The following NCOA2 variants were observed in gnomAD, a reference collection of about 807,000 sequenced individuals.
NCOA2 encodes the protein nuclear receptor coactivator 2.
A neutral mutation model predicts 145.1 loss-of-function variants in NCOA2; 21 were observed. The ratio of observed to expected loss-of-function variants is 0.14; its 90% CI spans 0.10 to 0.21. The LOEUF (loss-of-function observed/expected upper bound fraction) is 0.21. Ranked by LOEUF, NCOA2 falls within the 10% of genes least tolerant of loss-of-function variation. The pLI, the probability that NCOA2 is intolerant of heterozygous loss-of-function variation, is 1.00. For synonymous variants in NCOA2, 619 were observed against 637.5 expected, an observed-to-expected ratio of 0.97 and a Z score of 0.44; for missense variants, 1,472 against 1,837.6, an observed-to-expected ratio of 0.80 and a Z score of 3.64.
chr8:70,175,790 C>T (rs1359848777), intron 4 of NCOA2, among the ~76,000 whole-genome samples: 1 of 151,954 alleles, frequency 6.6e-6, no homozygotes, highest in Non-Finnish European at 1.5e-5. Flanking sequence ...TGCATGTTAT[C>T]GTTGTAATTA....
At chr8:70,192,048 C>CAAAAAT (rs1816753729) in intron 4 of NCOA2, among the ~76,000 whole-genome samples, 1 of 151,860 alleles carries the variant, frequency 6.6e-6, no homozygotes, top group Non-Finnish European at 1.5e-5. Flanking sequence ...TCTCAAAAAA[C>CAAAAAT]AAAAATAAAA....
intron 1 of NCOA2, among the ~76,000 whole-genome samples, chr8:70,337,224 TGTG>T (rs1807687741): frequency 1.3e-5 from 2 of 151,776 alleles, no homozygotes; most frequent in Non-Finnish European, 2.9e-5. Context: ...TGTGTGTGTG[TGTG>T]TGTGGTGTAA....
intron 10 of NCOA2, among the ~76,000 whole-genome samples, chr8:70,157,545 A>G (rs562869311): frequency 6.6e-6 from 1 of 152,212 alleles, no homozygotes; most frequent in African/African-American, 2.4e-5. Flanking sequence ...CAGGGTTCCA[A>G]TTACATAATA....
At chr8:70,306,256 T>C (rs1827882149) in intron 1 of NCOA2, among the ~76,000 whole-genome samples, 2 of 152,182 alleles carry the variant, frequency 1.3e-5, no homozygotes, top group South Asian at 4.1e-4. Context: ...TTAGTACCTC[T>C]ACTGATGACA....
intron 2 of NCOA2, among the ~76,000 whole-genome samples, chr8:70,242,935 T>C (rs1025105620): frequency 7.2e-5 from 11 of 152,162 alleles, no homozygotes; most frequent in Admixed American, 4.6e-4. Flanking sequence ...ATTACTGTGG[T>C]TGGAATTCTG....
At chr8:70,416,203 T>G in the NCOA2 span, among the ~76,000 whole-genome samples, 33 of 151,242 alleles carry the variant, frequency 2.2e-4, no homozygotes, top group East Asian at 3.9e-4. Context: ...TTGTTTTTTT[T>G]TTTTTTCTCT....
At chr8:70,379,888 C>T (rs1045555364) in intron 1 of NCOA2, among the ~76,000 whole-genome samples, 5 of 152,022 alleles carry the variant, frequency 3.3e-5, no homozygotes, top group Admixed American at 2.0e-4. Context: ...ACAAAAATGA[C>T]GCATGGCTGA....
intron 1 of NCOA2, among the ~76,000 whole-genome samples, chr8:70,333,035 T>C (rs1299184610): frequency 1.3e-5 from 2 of 152,230 alleles, no homozygotes; most frequent in African/African-American, 2.4e-5. Context: ...TGAGATAACT[T>C]GCCTGGGGTC....
At chr8:70,158,189 G>A (rs1376918508) in intron 10 of NCOA2, among the ~76,000 whole-genome samples, 1 of 152,158 alleles carries the variant, frequency 6.6e-6, no homozygotes, top group Non-Finnish European at 1.5e-5. Flanking sequence ...TTGGCAAACA[G>A]AGTTGCCTGA....
intron 15 of NCOA2, 72 bp downstream of exon 15, chr8:70,138,131 C>T: frequency 6.6e-7 from 1 of 1,505,072 alleles, no homozygotes; most frequent in Admixed American, 2.1e-5. Context: ...CAGGCACCGA[C>T]TACTCCAAAG....
At chr8:70,418,781 AG>A in the NCOA2 span, among the ~76,000 whole-genome samples, 2 of 152,254 alleles carry the variant, frequency 1.3e-5, no homozygotes, top group East Asian at 3.8e-4. Context: ...ATTTTTCAAA[AG>A]AATATACATA....
chr8:70,382,115 T>C (rs1183175818), intron 1 of NCOA2, among the ~76,000 whole-genome samples: 1 of 151,814 alleles, frequency 6.6e-6, no homozygotes, highest in East Asian at 1.9e-4. Context: ...CCTAAATACA[T>C]ACAGAAAAAG....
chr8:70,176,471 T>G (rs1814861850), intron 4 of NCOA2, among the ~76,000 whole-genome samples: 4 of 152,162 alleles, frequency 2.6e-5, no homozygotes, highest in Admixed American at 1.3e-4. Flanking sequence ...GTCTGCAGGC[T>G]TGGTCTCATT....
the NCOA2 span, among the ~76,000 whole-genome samples, chr8:70,441,829 A>G: frequency 2.7e-5 from 4 of 150,842 alleles, no homozygotes; most frequent in Non-Finnish European, 4.4e-5. Flanking sequence ...GAAAGAAGAA[A>G]GAAAGAAAGA....
chr8:70,455,140 G>A, the NCOA2 span, among the ~76,000 whole-genome samples: 1 of 152,180 alleles, frequency 6.6e-6, no homozygotes, highest in East Asian at 1.9e-4. Flanking sequence ...TATATGACTT[G>A]AGCAAATAAA....
chr8:70,222,644 A>T (rs1479540463), intron 2 of NCOA2, among the ~76,000 whole-genome samples: 1 of 152,222 alleles, frequency 6.6e-6, no homozygotes, highest in Non-Finnish European at 1.5e-5. Context: ...GAAGACTGTA[A>T]TAAACACATT....
intron 10 of NCOA2, among the ~76,000 whole-genome samples, chr8:70,159,218 A>ATTATATATATATATATAC (rs1554578421): frequency 8.8e-6 from 1 of 113,006 alleles, no homozygotes; most frequent in African/African-American, 3.8e-5. Context: ...AATACAGTAT[A>ATTATATATATATATATAC]ACATTATATA....
At chr8:70,403,831 A>C (rs1464652894), upstream of NCOA2, 2 of 389,232 alleles carry the variant, frequency 5.1e-6, no homozygotes, top group Middle Eastern at 6.4e-4. Flanking sequence ...ATTTCAATGG[A>C]GATCCTCCCC....
the NCOA2 span, among the ~76,000 whole-genome samples, chr8:70,432,051 A>T: frequency 6.6e-6 from 1 of 152,210 alleles, no homozygotes; most frequent in African/African-American, 2.4e-5. Flanking sequence ...GGGAGGACAT[A>T]AAAGTAAACC....
Sources: allele counts gnomAD v4.1 joint callset (sites outside exome capture counted in the v4.1 genomes callset), GRCh38; gene constraint gnomAD v4.1.1; transcripts MANE v1.5; gene names NCBI Gene and HGNC (gene_info 2026-07-23, HGNC 2026-07-21).